Variants in PCDH15 observed in about 807,000 individuals in gnomAD.
PCDH15 encodes the protein protocadherin-15.
In PCDH15, 129 loss-of-function variants were observed where a neutral mutation model predicts 178.5. The observed-to-expected ratio is 0.72, with a 90% CI of 0.63 to 0.84. The LOEUF is 0.84. PCDH15 is among the 40% of genes least tolerant of loss of function. The pLI, the probability that PCDH15 is intolerant of heterozygous loss-of-function variation, is 0.00. For synonymous variants in PCDH15, 800 were observed against 732.0 expected (o/e 1.09, Z -1.50); for missense variants, 2,230 against 2,099.9 (o/e 1.06, Z -1.21).
At chr10:53,929,299 T>A (rs1162015001) in intron 25 of PCDH15, among the ~76,000 whole-genome samples, 1 of 152,166 alleles carries the variant, frequency 6.6e-6, no homozygotes, top group Non-Finnish European at 1.5e-5. Context: ...TCCACTGGAA[T>A]ACATTTTTGT....
chr10:54,425,487 T>C (rs1012711247), intron 3 of PCDH15, among the ~76,000 whole-genome samples: 2 of 152,136 alleles, frequency 1.3e-5, no homozygotes, highest in African/African-American at 4.8e-5. Flanking sequence ...AGAAAATAAA[T>C]TCAGTTCTGT....
Position 53,810,664 on chromosome 10 carries a change from C to T in PCDH15, c.4563G>A (p.Gly1521=). ...YGQDYYSYEH[G]YEMPQYGSRR... is the part of the protein sequence containing the mutation. ...GACTCCCATATTGAGGCATTTCATA[C>T]CTGTAATATAAACTTACATCTTTAA... The change falls in exon 37 of 38, where the codon GGG becomes GGA. Residue 1521 remains glycine (G), a splice_region_variant and synonymous_variant. Coordinates refer to ENST00000644397, the MANE Select transcript of PCDH15 (RefSeq NM_001384140.1). The T allele has an allele frequency of 2.5e-6, 4 of 1,611,656 alleles. No homozygotes were observed. The highest frequency in any genetic ancestry group is 3.4e-6 in the Non-Finnish European group (4 of 1,177,920).
chr10:54,216,479 G>A (rs2052082569), intron 9 of PCDH15, among the ~76,000 whole-genome samples: 1 of 152,034 alleles, frequency 6.6e-6, no homozygotes, highest in Admixed American at 6.6e-5. Context: ...AATGTTCGGG[G>A]CTAGAGAAAA....
intron 18 of PCDH15, among the ~76,000 whole-genome samples, chr10:54,028,893 C>A (rs1177308880): frequency 6.6e-6 from 1 of 150,854 alleles, no homozygotes; most frequent in Admixed American, 6.6e-5. Context: ...ACATATGTAA[C>A]TAACCTGCAC....
At chr10:54,536,464 A>T (rs1191110429) in intron 2 of PCDH15, among the ~76,000 whole-genome samples, 1 of 151,950 alleles carries the variant, frequency 6.6e-6, no homozygotes, top group Non-Finnish European at 1.5e-5. Context: ...TAGATCAAAT[A>T]AGGAATGGGG....
chr10:54,892,472 CA>C (rs199704354), intron 3 of PCDH15, among the ~76,000 whole-genome samples: 2 of 148,236 alleles, frequency 1.3e-5, no homozygotes, highest in African/African-American at 2.5e-5. Context: ...TAAAAAAATG[CA>C]AAAAAAATTC....
chr10:54,363,729 A>G (rs1276142034), intron 5 of PCDH15, among the ~76,000 whole-genome samples: 2 of 152,154 alleles, frequency 1.3e-5, no homozygotes, highest in Non-Finnish European at 2.9e-5. Context: ...CCAACAATGT[A>G]TGAAAGTTGT....
intron 2 of PCDH15, among the ~76,000 whole-genome samples, chr10:55,158,221 G>A (rs1217183846): frequency 1.3e-5 from 2 of 151,720 alleles, no homozygotes; most frequent in African/African-American, 4.8e-5. Flanking sequence ...TTCTAGAATG[G>A]CAACTTAATA....
chr10:54,987,809 G>T lies in PCDH15; in HGVS notation c.-79-90309C>A, dbSNP rs542271810. On this transcript the variant is annotated intron_variant, in intron 2 of 5. Coordinates refer to the PCDH15 transcript ENST00000458638. ...CAAAATTTTTTTTCCCCACGCTGTAGGTTGCCTGTTCACTCTAACTATAGA... is the reference window on the plus strand; with the variant it reads ...CAAAATTTTTTTTCCCCACGCTGTATGTTGCCTGTTCACTCTAACTATAGA... Among the ~76,000 whole-genome samples the T allele has an allele frequency of 2.5e-4, 38 of 151,740 alleles. 2 individuals carry two copies. The highest frequency in any genetic ancestry group is 8.9e-4 in the African/African-American group (37 of 41,396).
intron 3 of PCDH15, among the ~76,000 whole-genome samples, chr10:54,822,087 A>G (rs1030110921): frequency 2.6e-5 from 4 of 152,182 alleles, no homozygotes; most frequent in African/African-American, 9.6e-5. Flanking sequence ...TAATGCAAGC[A>G]TACAATGTGC....
intron 2 of PCDH15, among the ~76,000 whole-genome samples, chr10:54,928,008 T>C (rs1837675240): frequency 2.0e-5 from 3 of 152,122 alleles, no homozygotes; most frequent in Admixed American, 6.6e-5. Context: ...TGTAGACTTG[T>C]TTATGTGGTT....
chr10:55,061,925 C>A (rs1472718984), intron 2 of PCDH15, among the ~76,000 whole-genome samples: 1 of 152,172 alleles, frequency 6.6e-6, no homozygotes, highest in Non-Finnish European at 1.5e-5. Context: ...GAGGCTGAGG[C>A]AAGAGAATCA....
At chr10:54,035,095 A>G (rs2093385171) in intron 18 of PCDH15, among the ~76,000 whole-genome samples, 1 of 151,872 alleles carries the variant, frequency 6.6e-6, no homozygotes, top group Non-Finnish European at 1.5e-5. Context: ...TTTCCTGAGA[A>G]TAACAGAATG....
At chr10:54,515,575 G>C (rs1167276817) in intron 3 of PCDH15, among the ~76,000 whole-genome samples, 1 of 152,230 alleles carries the variant, frequency 6.6e-6, no homozygotes, top group Non-Finnish European at 1.5e-5. Context: ...CAAACAAAAA[G>C]ACAGCAGTAA....
intron 2 of PCDH15, among the ~76,000 whole-genome samples, chr10:54,628,231 G>A (rs1265120694): frequency 1.3e-5 from 2 of 152,192 alleles, no homozygotes; most frequent in African/African-American, 4.8e-5. Flanking sequence ...AACATCCACT[G>A]AGTTACCATG....
At chr10:54,331,294 T>C (rs1591832926) in intron 6 of PCDH15, among the ~76,000 whole-genome samples, 1 of 151,842 alleles carries the variant, frequency 6.6e-6, no homozygotes, top group East Asian at 1.9e-4. Flanking sequence ...TCTCTCTTTC[T>C]CTCGGGGATG....
At chr10:55,573,413 C>T (rs1480251733) in intron 2 of PCDH15, among the ~76,000 whole-genome samples, 2 of 152,018 alleles carry the variant, frequency 1.3e-5, no homozygotes, top group Admixed American at 6.6e-5. Flanking sequence ...CAAGATGAAG[C>T]TTCTTGAAAC....
intron 7 of PCDH15, among the ~76,000 whole-genome samples, chr10:54,320,548 T>C (rs983818661): frequency 1.2e-4 from 18 of 149,968 alleles, no homozygotes; most frequent in African/African-American, 4.2e-4. Flanking sequence ...TGTAGAAAAA[T>C]ATTAATTTAA....
chr10:55,266,664 C>A (rs1019537633), intron 1 of PCDH15, among the ~76,000 whole-genome samples: 2 of 152,140 alleles, frequency 1.3e-5, no homozygotes, highest in Non-Finnish European at 2.9e-5. Flanking sequence ...AGAGGAAGAA[C>A]ACGCGAGTGG....
Sources: gnomAD v4.1 joint callset for allele counts (sites outside exome capture counted in the v4.1 genomes callset) on GRCh38, gnomAD v4.1.1 for gene constraint, MANE v1.5 for transcripts, NCBI Gene and HGNC (gene_info 2026-07-23, HGNC 2026-07-21) for gene names.